The following PCDHGA12 variants were observed in gnomAD, a reference collection of about 807,000 sequenced individuals.
PCDHGA12 encodes the protein protocadherin gamma-A12.
A neutral mutation model predicts 61.1 loss-of-function variants in PCDHGA12; 43 were observed. That is an observed-to-expected ratio of 0.70 (90% CI 0.55 to 0.91). PCDHGA12 has a LOEUF of 0.91. Ranked by LOEUF, PCDHGA12 falls within the 40% of genes least tolerant of loss-of-function variation. The pLI is 0.00. For missense variants in PCDHGA12, 1,236 were observed against 1,227.7 expected (o/e 1.01, Z -0.10); for synonymous variants, 520 against 542.9 (o/e 0.96, Z 0.59).
intron 1 of PCDHGA12, among the ~76,000 whole-genome samples, chr5:141,446,664 G>A (rs116573282): frequency 0.012 from 1,821 of 152,192 alleles, 38 homozygotes; most frequent in African/African-American, 0.042. Context: ...TTTAGTACAA[G>A]ACAGCATTTC....
intron 1 of PCDHGA12, among the ~76,000 whole-genome samples, chr5:141,455,860 ATTATTTATTTAT>A (rs145569377): frequency 0.023 from 3,231 of 139,812 alleles, 82 homozygotes; most frequent in African/African-American, 0.066. Context: ...AATTTCTTTT[ATTATTTATTTAT>A]TTATTTATTT....
At chr5:141,508,242 GC>G (rs1344624071) in intron 3 of PCDHGA12, 1 of 152,310 alleles carries the variant, frequency 6.6e-6, no homozygotes, top group African/African-American at 2.4e-5. Context: ...TCCTAAGTCT[GC>G]CTCTCCTGGG....
At chr5:141,464,600 C>T (rs970370250) in intron 1 of PCDHGA12, among the ~76,000 whole-genome samples, 24 of 152,118 alleles carry the variant, frequency 1.6e-4, no homozygotes, top group Admixed American at 1.1e-3. Flanking sequence ...CCATAGTCTC[C>T]TTTGCAGAGT....
chr5:141,469,372 C>T (rs780872014), intron 1 of PCDHGA12, among the ~76,000 whole-genome samples: 2 of 151,990 alleles, frequency 1.3e-5, no homozygotes, highest in African/African-American at 2.4e-5. Context: ...GTAAAGAGAT[C>T]GAGACCATCC....
Position 141,485,190 on chromosome 5 carries a change from G to C in PCDHGA12, c.2425-9617G>C. 6.2e-7 allele frequency: 1 copy of C among 1,613,920 alleles called. No individual in the cohort carries two copies. Among genetic ancestry groups the C allele is most frequent in the Non-Finnish European group, 8.5e-7 (1 of 1,179,788 alleles). Reference sequence around the variant, plus strand: ...GCGGCAGCAATGCTCCGCAAGGTGAGAAGCTGGACAGAAATCTGGCGGTGG... The same window carrying C: ...GCGGCAGCAATGCTCCGCAAGGTGACAAGCTGGACAGAAATCTGGCGGTGG... On this transcript the variant is annotated intron_variant, in intron 1 of 3. Coordinates refer to ENST00000252085, the MANE Select transcript of PCDHGA12 (RefSeq NM_003735.3). This position sits in a 1 kb window ranked among gnomAD's most constrained non-coding sequence, Gnocchi z 5.7.
chr5:141,450,104 T>A (rs1041853602), intron 1 of PCDHGA12, among the ~76,000 whole-genome samples: 1 of 150,664 alleles, frequency 6.6e-6, no homozygotes, highest in African/African-American at 2.5e-5. Flanking sequence ...CCTCCCAGGT[T>A]CAAATGATTC....
At position 141,485,162 on chromosome 5, in the gene PCDHGA12, C is replaced by A. The variant is rs759021453; in HGVS notation, c.2425-9645C>A. The A allele has an allele frequency of 8.7e-6, 14 of 1,602,188 alleles. No individual in the cohort carries two copies. The Admixed American group carries it at 2.0e-4, about 23-fold the overall frequency. ...GTCTCAGGAGCAAGTAGAGAATTAGCGGGCGGCAGCAATGCTCCGCAAGGT... is the reference window on the plus strand; with the variant it reads ...GTCTCAGGAGCAAGTAGAGAATTAGAGGGCGGCAGCAATGCTCCGCAAGGT... On this transcript the variant is annotated intron_variant, in intron 1 of 3. Transcript: ENST00000252085. The surrounding 1 kb of genome is among the most constrained non-coding windows in gnomAD (Gnocchi z 5.7).
At position 141,433,041 on chromosome 5, in the gene PCDHGA12, C is replaced by G. The variant is rs1171788078; in HGVS notation, c.2282C>G (p.Thr761Arg). Residue 761 changes from threonine to arginine, a missense_variant, in exon 1 of 4, where the codon ACG (threonine) becomes AGG (arginine). Physicochemically the swap from Thr to Arg is moderately conservative, Grantham distance 71. Coordinates refer to ENST00000252085, the MANE Select transcript of PCDHGA12 (RefSeq NM_003735.3). ...QTYSHEVSLT[T>R]DSRKSHLIFP... ...TATTCCCACGAGGTTTCCCTCACCA[C>G]GGACTCGCGGAAGAGTCACCTGATC... 1 of 1,614,036 alleles carries G rather than the reference C, an allele frequency of 6.2e-7. No individual in the cohort carries two copies. Among genetic ancestry groups the G allele is most frequent in the Non-Finnish European group, 8.5e-7 (1 of 1,180,028 alleles).
At chr5:141,471,185 A>G (rs58340688) in intron 1 of PCDHGA12, 16,257 of 151,174 alleles carry the variant, frequency 0.11, 890 homozygotes, top group South Asian at 0.15. Context: ...TAGTAGCTGG[A>G]ATTACAGGCA....
At position 141,447,418 on chromosome 5, in the gene PCDHGA12, G is replaced by A. The variant is rs113957183; in HGVS notation, c.2424+14235G>A. On this transcript the variant is annotated intron_variant, in intron 1 of 3. Transcript: ENST00000252085. ...CTCCCAAAGTGCTGGGATTACAGGC[G>A]TGAGCCACCGCACCCGGAGGAAATT... Among the ~76,000 whole-genome samples, 1,263 of 152,230 alleles carry A rather than the reference G, an allele frequency of 8.3e-3. 17 individuals carry two copies. The highest frequency in any genetic ancestry group is 0.029 in the African/African-American group (1,197 of 41,538).
intron 1 of PCDHGA12, among the ~76,000 whole-genome samples, chr5:141,443,537 T>C (rs986467958): frequency 6.6e-6 from 1 of 152,180 alleles, no homozygotes; most frequent in African/African-American, 2.4e-5. Flanking sequence ...ATTTAAAGCT[T>C]GGGAAATTGT....
At chr5:141,509,544 A>AT (rs1312201678) in intron 3 of PCDHGA12, among the ~76,000 whole-genome samples, 1 of 152,150 alleles carries the variant, frequency 6.6e-6, no homozygotes, top group Non-Finnish European at 1.5e-5. Context: ...GCACCATCTC[A>AT]TTTAGTCCTC....
chr5:141,494,790 C>A lies in PCDHGA12; in HGVS notation c.2425-17C>A, dbSNP rs909145. 17 of 1,614,014 alleles carry A rather than the reference C, an allele frequency of 1.1e-5. 1 individual carries two copies. The South Asian group carries it at 1.9e-4, about 18-fold the overall frequency. ...TCTCACGGGTACTCAGCCCCTTTCC[C>A]TCTGTTTTCTCCACAGCAAGCCCCG... On this transcript the variant is annotated splice_polypyrimidine_tract_variant and intron_variant, in intron 1 of 3. Transcript: ENST00000252085.
intron 1 of PCDHGA12, among the ~76,000 whole-genome samples, chr5:141,470,896 T>C (rs1370454369): frequency 6.6e-6 from 1 of 151,980 alleles, no homozygotes; most frequent in Non-Finnish European, 1.5e-5. Context: ...TTTTGTTTTT[T>C]GTAGAGATGG....
At chr5:141,479,312 A>G (rs1218187495) in intron 1 of PCDHGA12, 5 of 152,526 alleles carry the variant, frequency 3.3e-5, no homozygotes, top group African/African-American at 9.6e-5. Context: ...GAAAACATAA[A>G]GTAGCCAGAC....
At chr5:141,475,959 A>T (rs963363028) in intron 1 of PCDHGA12, 15 of 817,720 alleles carry the variant, frequency 1.8e-5, no homozygotes, top group East Asian at 2.6e-5. Context: ...GCGCCCCGGG[A>T]TGAGGCAGAG....
chr5:141,476,055 GT>G lies in PCDHGA12; in HGVS notation c.2425-18749del. 6.7e-7 allele frequency: 1 copy of G among 1,503,516 alleles called. No homozygotes were observed. Among genetic ancestry groups the G allele is most frequent in the South Asian group, 1.3e-5 (1 of 75,386 alleles). The allele number at this position is 1,503,516 out of a possible 1,614,324, so 93.1% of individuals were successfully genotyped here. ...GCGCCCAAGCGCTAACCCGCTGAAA[GT>G]TTCTCAGCGAAATCTCAGGGACGAT... On this transcript the variant is annotated intron_variant, in intron 1 of 3. Transcript: ENST00000252085. The surrounding 1 kb of genome is among the most constrained non-coding windows in gnomAD (Gnocchi z 7.6).
intron 1 of PCDHGA12, among the ~76,000 whole-genome samples, chr5:141,437,310 C>T (rs1226274834): frequency 6.6e-6 from 1 of 152,166 alleles, no homozygotes; most frequent in Non-Finnish European, 1.5e-5. Flanking sequence ...TTAAAGCGTT[C>T]AGCTATAATT....
At chr5:141,448,887 G>T (rs1160586933) in intron 1 of PCDHGA12, among the ~76,000 whole-genome samples, 1 of 152,172 alleles carries the variant, frequency 6.6e-6, no homozygotes, top group East Asian at 1.9e-4. Flanking sequence ...GGAGCTTGCA[G>T]TGAGCCGAGA....
Sources: gnomAD v4.1 joint callset for allele counts (sites outside exome capture counted in the v4.1 genomes callset) on GRCh38, gnomAD v4.1.1 for gene constraint, Gnocchi (gnomAD v3.1) non-coding constraint, MANE v1.5 for transcripts, NCBI Gene and HGNC (gene_info 2026-07-23, HGNC 2026-07-21) for gene names.